Variants in SMG6 observed in about 807,000 individuals in gnomAD.
SMG6 encodes the protein telomerase-binding protein EST1A.
Under a neutral mutation model 142.2 loss-of-function variants are expected in SMG6, and 66 were observed. The observed-to-expected ratio is 0.46, with a 90% CI of 0.38 to 0.57. The LOEUF is 0.57. Among genes scored for constraint, SMG6 ranks in the 20% least tolerant of loss-of-function variants. The probability of loss-of-function intolerance (pLI) is 0.00; values close to 1 mark genes in which losing one functional copy is unlikely to be tolerated. For missense variants in SMG6, 1,793 were observed against 1,832.0 expected, an observed-to-expected ratio of 0.98 and a Z score of 0.39; for synonymous variants, 779 against 702.4, an observed-to-expected ratio of 1.11 and a Z score of -1.72.
At chr17:2,103,331 G>GT (rs1361682674) in intron 13 of SMG6, among the ~76,000 whole-genome samples, 1 of 152,124 alleles carries the variant, frequency 6.6e-6, no homozygotes, top group African/African-American at 2.4e-5. Flanking sequence ...TTCAGAATGC[G>GT]AACTAACAGT....
chr17:2,099,734 G>A (rs1453549355), intron 13 of SMG6, among the ~76,000 whole-genome samples: 3 of 152,194 alleles, frequency 2.0e-5, no homozygotes, highest in Non-Finnish European at 4.4e-5. Flanking sequence ...GTCAGCAAAT[G>A]GCTGCCATAC....
chr17:2,070,815 G>A (rs1012299261), intron 15 of SMG6, among the ~76,000 whole-genome samples: 3 of 152,130 alleles, frequency 2.0e-5, no homozygotes, highest in African/African-American at 4.8e-5. Flanking sequence ...CATGGGAGGC[G>A]GGGTCACTGA....
At chr17:2,269,684 T>C (rs1415452760) in intron 8 of SMG6, among the ~76,000 whole-genome samples, 2 of 152,054 alleles carry the variant, frequency 1.3e-5, no homozygotes, top group Admixed American at 1.3e-4. Context: ...TTCTCAACTT[T>C]CAATAGCACC....
chr17:2,292,221 G>C (rs753228707), intron 6 of SMG6, among the ~76,000 whole-genome samples: 159 of 152,314 alleles, frequency 1.0e-3, no homozygotes, highest in Admixed American at 2.1e-3. Flanking sequence ...AGAATGAGTT[G>C]CCTAGTTCAA....
chr17:2,155,169 T>C (rs1009478740), intron 13 of SMG6, among the ~76,000 whole-genome samples: 2 of 151,948 alleles, frequency 1.3e-5, no homozygotes, highest in African/African-American at 2.4e-5. Context: ...TCTCCTGCCT[T>C]AGCACCCCTA....
chr17:2,210,023 C>T (rs1301906487), intron 10 of SMG6, among the ~76,000 whole-genome samples: 2 of 152,118 alleles, frequency 1.3e-5, no homozygotes, highest in African/African-American at 4.8e-5. Context: ...TCCCAGGTAA[C>T]CTACATCCAA....
chr17:2,252,969 T>C (rs898355348), intron 8 of SMG6, among the ~76,000 whole-genome samples: 3 of 151,994 alleles, frequency 2.0e-5, no homozygotes, highest in East Asian at 1.9e-4. Context: ...TTATATGAAA[T>C]ATAAATTTCA....
chr17:2,300,738 T>A, intron 1 of SMG6, 74 bp from the exon 2 acceptor site: 1 of 1,360,858 alleles, frequency 7.3e-7, no homozygotes, highest in East Asian at 2.3e-5. Context: ...GGGGAAAGAC[T>A]GTCATTCTGG....
At chr17:2,080,778 GGTGT>G (rs1567581103) in intron 15 of SMG6, among the ~76,000 whole-genome samples, 2 of 152,060 alleles carry the variant, frequency 1.3e-5, no homozygotes, top group African/African-American at 4.8e-5. Flanking sequence ...TGGGATTACA[GGTGT>G]GCACCACCAT....
chr17:2,152,732 G>A (rs1483483586), intron 13 of SMG6, among the ~76,000 whole-genome samples: 3 of 152,198 alleles, frequency 2.0e-5, no homozygotes, highest in Non-Finnish European at 4.4e-5. Context: ...CGTGCAATAC[G>A]GTGCAGCCAC....
At chr17:2,105,545 A>AAAATAAATAAAT (rs377071604) in intron 13 of SMG6, among the ~76,000 whole-genome samples, 3 of 151,780 alleles carry the variant, frequency 2.0e-5, no homozygotes, top group East Asian at 1.9e-4. Context: ...CTCTGTCTCA[A>AAAATAAATAAAT]AAATAAATAA....
chr17:2,086,820 A>G (rs1021645982), intron 13 of SMG6, among the ~76,000 whole-genome samples: 2 of 152,028 alleles, frequency 1.3e-5, no homozygotes, highest in Non-Finnish European at 2.9e-5. Flanking sequence ...CTTCATCTCT[A>G]GCCTCCAGCA....
chr17:2,069,582 C>T (rs921360696), intron 15 of SMG6, among the ~76,000 whole-genome samples: 3 of 152,110 alleles, frequency 2.0e-5, no homozygotes, highest in East Asian at 1.9e-4. Context: ...GGTGACAGAA[C>T]GAGACCCTGT....
chr17:2,226,609 A>C (rs1186274215), intron 10 of SMG6, among the ~76,000 whole-genome samples: 1 of 150,680 alleles, frequency 6.6e-6, no homozygotes, highest in Non-Finnish European at 1.5e-5. Flanking sequence ...CAAAAAAAAA[A>C]CAAACAAGTG....
rs549514510 is a variant in SMG6 at position 2,265,368 on chromosome 17, C to T, written c.2661+17279G>A. On this transcript the variant is annotated intron_variant, in intron 8 of 18. Transcript: ENST00000263073. The stretch of plus-strand genomic sequence containing the variant: ...CTTCTAAAAATACAAAAATTAGCAG[C>T]GGGTGGTGACAGGAGCCTGTAGTCC... Among the ~76,000 whole-genome samples the T allele has an allele frequency of 8.8e-5, 12 of 136,496 alleles. No individual in the cohort carries two copies. In the South Asian group the frequency reaches 1.3e-3, roughly 15 times the overall value. The allele number at this position is 136,496 out of a possible 152,430, so 89.5% of individuals were successfully genotyped here.
chr17:2,164,621 G>A (rs1055407470), intron 13 of SMG6, among the ~76,000 whole-genome samples: 3 of 151,704 alleles, frequency 2.0e-5, no homozygotes, highest in Non-Finnish European at 4.4e-5. Flanking sequence ...CCGTCTCAAA[G>A]AAAAAACAAA....
intron 16 of SMG6, among the ~76,000 whole-genome samples, chr17:2,067,907 G>A (rs2151390805): frequency 6.6e-6 from 1 of 152,362 alleles, no homozygotes; most frequent in African/African-American, 2.4e-5. Context: ...CAGACTGCCA[G>A]TCTGGTGGCT....
intron 13 of SMG6, among the ~76,000 whole-genome samples, chr17:2,123,273 G>T (rs1038803073): frequency 6.6e-6 from 1 of 152,194 alleles, no homozygotes; most frequent in Admixed American, 6.5e-5. Context: ...GAGGGGAGGG[G>T]AGGAGTAGAC....
chr17:2,289,418 A>G (rs1366178269), intron 6 of SMG6, among the ~76,000 whole-genome samples: 1 of 151,350 alleles, frequency 6.6e-6, no homozygotes, highest in Non-Finnish European at 1.5e-5. Flanking sequence ...TTACCTGGGT[A>G]TGATGGTGAG....
Sources: allele counts gnomAD v4.1 joint callset (sites outside exome capture counted in the v4.1 genomes callset), GRCh38; gene constraint gnomAD v4.1.1; transcripts MANE v1.5; gene names NCBI Gene and HGNC (gene_info 2026-07-23, HGNC 2026-07-21).